Variants in PCDHGB5 observed in about 807,000 individuals in gnomAD.
PCDHGB5 encodes protocadherin gamma subfamily B, 5.
In PCDHGB5, 48 loss-of-function variants were observed where a neutral mutation model predicts 62.9. That is an observed-to-expected ratio of 0.76 (90% CI 0.61 to 0.97). The LOEUF (loss-of-function observed/expected upper bound fraction) is 0.97. Ranked by LOEUF, PCDHGB5 falls within the 50% of genes least tolerant of loss-of-function variation. The probability of loss-of-function intolerance (pLI) is 0.00; values close to 1 mark genes in which losing one functional copy is unlikely to be tolerated. For missense variants in PCDHGB5, 1,118 were observed against 1,198.6 expected, an observed-to-expected ratio of 0.93 and a Z score of 0.99; for synonymous variants, 474 against 511.2, an observed-to-expected ratio of 0.93 and a Z score of 0.98.
chr5:141,471,047 T>C (rs1270779800), intron 1 of PCDHGB5, among the ~76,000 whole-genome samples: 3 of 63,666 alleles, frequency 4.7e-5, no homozygotes. Flanking sequence ...CCAAGCCCTC[T>C]TTTTTTTTTT....
intron 1 of PCDHGB5, chr5:141,479,712 C>T (rs1488849933): frequency 6.6e-6 from 1 of 152,216 alleles, no homozygotes; most frequent in Non-Finnish European, 1.5e-5. Flanking sequence ...CCCTGTCCTT[C>T]CAGCCTTATT....
intron 1 of PCDHGB5, among the ~76,000 whole-genome samples, chr5:141,401,533 CA>C: frequency 6.6e-6 from 1 of 151,790 alleles, no homozygotes; most frequent in East Asian, 1.9e-4. Flanking sequence ...AAGAAACTTA[CA>C]AAAAAAAGGA....
intron 1 of PCDHGB5, among the ~76,000 whole-genome samples, chr5:141,449,606 A>AG (rs1263111904): frequency 2.0e-5 from 3 of 150,702 alleles, no homozygotes; most frequent in Non-Finnish European, 3.0e-5. Flanking sequence ...AAAAAAAAAA[A>AG]AGTAAAAAAG....
intron 1 of PCDHGB5, chr5:141,423,623 C>T (rs1391650851): frequency 6.2e-7 from 1 of 1,607,330 alleles, no homozygotes; most frequent in South Asian, 1.1e-5. Context: ...GAAGACTCAG[C>T]TATCATTTTA....
chr5:141,478,678 C>T (rs3805695), intron 1 of PCDHGB5: 273,671 of 1,551,084 alleles, frequency 0.18, 26,385 homozygotes, highest in African/African-American at 0.39. Context: ...TTCAACTGGC[C>T]CTTCCTAGAT....
intron 1 of PCDHGB5, among the ~76,000 whole-genome samples, chr5:141,482,985 C>T (rs971017271): frequency 1.3e-5 from 2 of 151,372 alleles, no homozygotes; most frequent in East Asian, 1.9e-4. Context: ...CTTGAGAGGT[C>T]GAGGCAGGAG....
chr5:141,447,541 A>G (rs2098542324), intron 1 of PCDHGB5, among the ~76,000 whole-genome samples: 1 of 152,218 alleles, frequency 6.6e-6, no homozygotes, highest in Non-Finnish European at 1.5e-5. Flanking sequence ...TTGGGTTTTA[A>G]TGTTATGAGT....
In PCDHGB5 at chr5:141,489,180, C is replaced by T. The variant is rs942218118; in HGVS notation, c.2398-5627C>T. 7.9e-7 allele frequency: 1 copy of T among 1,259,748 alleles called. No homozygotes were observed. The highest frequency in any genetic ancestry group is 2.0e-4 in the Middle Eastern group (1 of 5,096). The allele number at this position is 1,259,748 out of a possible 1,614,324, so 78.0% of individuals were successfully genotyped here. A position where few individuals can be genotyped will look rare whatever the true frequency, so the allele number is the denominator to read the frequency against. On this transcript the variant is annotated intron_variant, in intron 1 of 3. Coordinates refer to ENST00000617380, the MANE Select transcript of PCDHGB5 (RefSeq NM_018925.3). This position sits in a 1 kb window ranked among gnomAD's most constrained non-coding sequence, Gnocchi z 4.5. ...GACTTCAGCTGCTGCATTCCAAGCCCTGGGTCTACCTTGGAGACAGGACAG... is the reference window on the plus strand; with the variant it reads ...GACTTCAGCTGCTGCATTCCAAGCCTTGGGTCTACCTTGGAGACAGGACAG...
At chr5:141,479,328 G>C (rs568506786) in intron 1 of PCDHGB5, 3 of 152,536 alleles carry the variant, frequency 2.0e-5, no homozygotes, top group African/African-American at 7.2e-5. Context: ...CAGACTCAGT[G>C]GTGTGCACCT....
chr5:141,453,116 GT>G (rs2098756689), intron 1 of PCDHGB5, among the ~76,000 whole-genome samples: 1 of 151,698 alleles, frequency 6.6e-6, no homozygotes, highest in Admixed American at 6.6e-5. Context: ...GTTTTGTTTT[GT>G]TTTGTTTTGT....
At chr5:141,436,305 T>C (rs2097810667) in intron 1 of PCDHGB5, among the ~76,000 whole-genome samples, 1 of 152,184 alleles carries the variant, frequency 6.6e-6, no homozygotes. Flanking sequence ...AGTTAGAGCA[T>C]GAATAGTCAA....
intron 1 of PCDHGB5, chr5:141,423,755 G>T (rs1236551808): frequency 9.8e-6 from 5 of 512,508 alleles, no homozygotes; most frequent in Non-Finnish European, 1.3e-5. Flanking sequence ...CTGTTTGGGG[G>T]GGGGGTGGGG....
rs1264759473 is a variant in PCDHGB5 at position 141,486,183 on chromosome 5, G to A, written c.2398-8624G>A. On this transcript the variant is annotated intron_variant, in intron 1 of 3. Transcript: ENST00000617380. The surrounding 1 kb of genome is among the most constrained non-coding windows in gnomAD (Gnocchi z 5.0). The stretch of plus-strand genomic sequence containing the variant: ...GCCATGGAGCAACATTGCAGCCTTC[G>A]AGTGGATCTGCTGGACGTAAATGAC... 3 of 1,614,154 alleles carry A rather than the reference G, an allele frequency of 1.9e-6. No homozygotes were observed. The highest frequency in any genetic ancestry group is 1.1e-5 in the South Asian group (1 of 91,082).
At chr5:141,433,246 T>C (rs775015156) in intron 1 of PCDHGB5, 1 of 1,462,358 alleles carries the variant, frequency 6.8e-7, no homozygotes, top group Non-Finnish European at 9.3e-7. Flanking sequence ...CAAGCTGGAA[T>C]GCAGCGGTAC....
intron 1 of PCDHGB5, chr5:141,433,226 C>G (rs1433770157): frequency 6.6e-7 from 1 of 1,514,890 alleles, no homozygotes; most frequent in Non-Finnish European, 9.0e-7. Context: ...TTTTTAATTG[C>G]TCTGTCTCCC....
At chr5:141,499,828 A>G (rs921957227) in intron 2 of PCDHGB5, among the ~76,000 whole-genome samples, 1 of 151,834 alleles carries the variant, frequency 6.6e-6, no homozygotes, top group Non-Finnish European at 1.5e-5. Context: ...CTAGGATTAC[A>G]GGTGTGCACC....
chr5:141,482,981 AGG>A (rs2099575420), intron 1 of PCDHGB5, among the ~76,000 whole-genome samples: 1 of 150,250 alleles, frequency 6.7e-6, no homozygotes, highest in African/African-American at 2.5e-5. Context: ...GCTACTTGAG[AGG>A]TCGAGGCAGG....
chr5:141,399,825 C>G lies in PCDHGB5; in HGVS notation c.1698C>G (p.Asp566Glu), dbSNP rs1439243162. 14 of 1,613,060 alleles carry G rather than the reference C, an allele frequency of 8.7e-6. No individual in the cohort carries two copies. Among genetic ancestry groups the G allele is most frequent in the Non-Finnish European group, 1.2e-5 (14 of 1,179,780 alleles). The change falls in exon 1 of 4, where the codon GAC becomes GAG. Residue 566 changes from aspartate to glutamate, a missense_variant. This residue lies in a region of PCDHGB5 where 1,034 missense variants were observed against 1,029.1 expected (regional missense o/e 1.00). Transcript: ENST00000617380. ...PRVLYPALGP[D>E]GSALFDMVPR... Reference sequence around the variant, plus strand: ...TGCTGTACCCCGCGCTGGGTCCCGACGGCTCTGCGCTCTTCGATATGGTGC... The same window carrying G: ...TGCTGTACCCCGCGCTGGGTCCCGAGGGCTCTGCGCTCTTCGATATGGTGC...
intron 1 of PCDHGB5, 84 bp from the exon 2 acceptor site, chr5:141,494,723 C>T: frequency 1.9e-6 from 3 of 1,606,114 alleles, no homozygotes; most frequent in Non-Finnish European, 2.6e-6. Flanking sequence ...TCCCCTCCTT[C>T]TCTCCCGGCC....
Sources: gnomAD v4.1 joint callset for allele counts (sites outside exome capture counted in the v4.1 genomes callset) on GRCh38, gnomAD v4.1.1 for gene constraint, gnomAD v4.1.1 regional missense constraint, Gnocchi (gnomAD v3.1) non-coding constraint, MANE v1.5 for transcripts, NCBI Gene and HGNC (gene_info 2026-07-23, HGNC 2026-07-21) for gene names.